Variants in DLGAP2 observed in about 807,000 individuals in gnomAD.
DLGAP2 encodes disks large-associated protein 2.
DLGAP2 carries 26 observed loss-of-function variants against 100.3 expected under a neutral mutation model. That is an observed-to-expected ratio of 0.26 (90% CI 0.19 to 0.36). The LOEUF (loss-of-function observed/expected upper bound fraction) is 0.36, where lower values mean the gene tolerates loss of function less well. Ranked by LOEUF, DLGAP2 falls within the 10% of genes least tolerant of loss-of-function variation. DLGAP2 has a pLI of 1.00. For missense variants in DLGAP2, 1,858 were observed against 1,453.2 expected (o/e 1.28, Z -4.53); for synonymous variants, 886 against 630.1 (o/e 1.41, Z -6.08).
chr8:1,523,983 C>G (rs1800705033), intron 4 of DLGAP2, among the ~76,000 whole-genome samples: 1 of 152,214 alleles, frequency 6.6e-6, no homozygotes, highest in African/African-American at 2.4e-5. Context: ...TTTGGAGACT[C>G]CGCCGCAAGT....
At chr8:1,666,309 T>C (rs1472929840) in intron 8 of DLGAP2, among the ~76,000 whole-genome samples, 4 of 152,236 alleles carry the variant, frequency 2.6e-5, no homozygotes, top group Admixed American at 2.6e-4. Flanking sequence ...ATTGATTTCA[T>C]AACATCTGAT....
rs982982963 is a variant in DLGAP2 at position 1,143,069 on chromosome 8, G to C, written c.74-115782G>C. Among the ~76,000 whole-genome samples the C allele has an allele frequency of 9.2e-5, 14 of 152,172 alleles. 1 individual carries two copies. The highest frequency in any genetic ancestry group is 3.4e-4 in the African/African-American group (14 of 41,430). ...AGGGGCCTCAGGGTGTGGGACTGCC[G>C]GCCACAGCGGGGCCACCAGCTGCTT... On this transcript the variant is annotated intron_variant, in intron 2 of 14. Coordinates refer to ENST00000637795, the MANE Select transcript of DLGAP2 (RefSeq NM_001346810.2).
chr8:1,646,754 C>G (rs1470943596), intron 8 of DLGAP2, among the ~76,000 whole-genome samples: 2 of 152,204 alleles, frequency 1.3e-5, no homozygotes, highest in African/African-American at 4.8e-5. Context: ...GAGGCTGGCA[C>G]TGCTGGGACA....
intron 8 of DLGAP2, among the ~76,000 whole-genome samples, chr8:1,660,211 G>A (rs1188212686): frequency 6.6e-6 from 1 of 152,156 alleles, no homozygotes; most frequent in Non-Finnish European, 1.5e-5. Context: ...TGAGAGATCT[G>A]CTGTTAGTCT....
intron 1 of DLGAP2, among the ~76,000 whole-genome samples, chr8:809,579 A>G (rs1427042551): frequency 6.6e-6 from 1 of 152,142 alleles, no homozygotes; most frequent in Non-Finnish European, 1.5e-5. Flanking sequence ...GCATTGGGAA[A>G]AGCCATAAAA....
intron 3 of DLGAP2, among the ~76,000 whole-genome samples, chr8:1,285,587 T>C (rs1339092531): frequency 6.6e-6 from 1 of 152,178 alleles, no homozygotes; most frequent in Non-Finnish European, 1.5e-5. Context: ...TGGAAATAAT[T>C]CTGCTGATTC....
At chr8:1,645,960 T>C (rs963256911) in intron 8 of DLGAP2, among the ~76,000 whole-genome samples, 2 of 152,230 alleles carry the variant, frequency 1.3e-5, no homozygotes, top group African/African-American at 2.4e-5. Flanking sequence ...GGTTAGGTGA[T>C]GTTTGCCATT....
At chr8:1,518,191 T>A (rs889021924) in intron 4 of DLGAP2, among the ~76,000 whole-genome samples, 1 of 152,168 alleles carries the variant, frequency 6.6e-6, no homozygotes, top group African/African-American at 2.4e-5. Flanking sequence ...AGCCTCCCAA[T>A]TGGACACGGA....
At chr8:1,326,078 C>G (rs1470280476) in intron 3 of DLGAP2, among the ~76,000 whole-genome samples, 2 of 152,176 alleles carry the variant, frequency 1.3e-5, no homozygotes, top group African/African-American at 4.8e-5. Context: ...TAAGTGGACT[C>G]AACTATACAG....
At chr8:1,170,728 T>C (rs1432089372) in intron 2 of DLGAP2, among the ~76,000 whole-genome samples, 1 of 150,002 alleles carries the variant, frequency 6.7e-6, no homozygotes, top group Non-Finnish European at 1.5e-5. Context: ...TCGGTGGTGA[T>C]ATCCCCTTTA....
intron 4 of DLGAP2, among the ~76,000 whole-genome samples, chr8:1,517,099 C>G (rs1800418939): frequency 6.6e-6 from 1 of 152,068 alleles, no homozygotes; most frequent in African/African-American, 2.4e-5. Context: ...GCCTCAAGGT[C>G]CAAGTCTTCA....
At chr8:1,240,388 C>G (rs1055734578) in intron 2 of DLGAP2, among the ~76,000 whole-genome samples, 1 of 151,044 alleles carries the variant, frequency 6.6e-6, no homozygotes, top group Non-Finnish European at 1.5e-5. Context: ...GTCTGGTTCT[C>G]TCACATGGCA....
chr8:1,234,237 C>T (rs1798596630), intron 2 of DLGAP2, among the ~76,000 whole-genome samples: 1 of 152,180 alleles, frequency 6.6e-6, no homozygotes, highest in Admixed American at 6.5e-5. Context: ...GTGGCACAAC[C>T]CTGAGTGGAA....
intron 8 of DLGAP2, among the ~76,000 whole-genome samples, chr8:1,657,954 A>G (rs1798321001): frequency 6.6e-6 from 1 of 152,154 alleles, no homozygotes; most frequent in Non-Finnish European, 1.5e-5. Flanking sequence ...GAGAGAGAAA[A>G]GACTTCCTTA....
intron 12 of DLGAP2, among the ~76,000 whole-genome samples, chr8:1,688,773 G>C (rs2130872100): frequency 6.6e-6 from 1 of 152,320 alleles, no homozygotes; most frequent in East Asian, 1.9e-4. Context: ...ACATGGTACA[G>C]ATTGCCAGAC....
chr8:940,169 C>A (rs527257050), intron 2 of DLGAP2, among the ~76,000 whole-genome samples: 1 of 152,022 alleles, frequency 6.6e-6, no homozygotes, highest in African/African-American at 2.4e-5. Context: ...AGTTTTACTA[C>A]GTATTTGATG....
At chr8:1,417,190 G>C (rs948878911) in intron 3 of DLGAP2, among the ~76,000 whole-genome samples, 1 of 81,286 alleles carries the variant, frequency 1.2e-5, no homozygotes. Flanking sequence ...TAGTGTCTGA[G>C]GCGGGGGAGA....
intron 2 of DLGAP2, among the ~76,000 whole-genome samples, chr8:1,214,149 C>T (rs1325822612): frequency 6.6e-6 from 1 of 152,204 alleles, no homozygotes; most frequent in African/African-American, 2.4e-5. Context: ...CTTCCCTCCA[C>T]ACCTCATTCC....
At chr8:1,431,634 G>C (rs1207167721) in intron 3 of DLGAP2, among the ~76,000 whole-genome samples, 1 of 150,354 alleles carries the variant, frequency 6.7e-6, no homozygotes, top group East Asian at 1.9e-4. Context: ...AGGCTCGCTG[G>C]CGTGGTGATG....
Sources: gnomAD v4.1 joint callset for allele counts (sites outside exome capture counted in the v4.1 genomes callset) on GRCh38, gnomAD v4.1.1 for gene constraint, MANE v1.5 for transcripts, NCBI Gene and HGNC (gene_info 2026-07-23, HGNC 2026-07-21) for gene names.